The following GLIS3 variants were observed in gnomAD, a reference collection of about 807,000 sequenced individuals.
GLIS3 encodes the protein zinc finger protein GLIS3.
GLIS3 carries 53 observed loss-of-function variants against 78.6 expected under a neutral mutation model. The ratio of observed to expected loss-of-function variants is 0.67; its 90% CI spans 0.54 to 0.85. GLIS3 has a LOEUF of 0.85. Among genes scored for constraint, GLIS3 ranks in the 40% least tolerant of loss-of-function variants. The probability of loss-of-function intolerance (pLI) is 0.00; values close to 1 mark genes in which losing one functional copy is unlikely to be tolerated. For synonymous variants in GLIS3, 684 were observed against 509.9 expected (o/e 1.34, Z -4.60); for missense variants, 1,703 against 1,231.1 (o/e 1.38, Z -5.74).
At chr9:4,429,733 G>C in the GLIS3 span, among the ~76,000 whole-genome samples, 1 of 152,134 alleles carries the variant, frequency 6.6e-6, no homozygotes, top group South Asian at 2.1e-4. Context: ...GTCAGACACA[G>C]AGTAAGTGCT....
chr9:3,864,034 G>A (rs1563790021), intron 8 of GLIS3, among the ~76,000 whole-genome samples: 1 of 152,058 alleles, frequency 6.6e-6, no homozygotes, highest in East Asian at 1.9e-4. Context: ...TCTGACATGG[G>A]GAGAGAGGGA....
chr9:4,316,017 C>T lies in GLIS3; in HGVS notation n.265-5489G>A, dbSNP rs571089628. 3.0e-4 allele frequency among the ~76,000 whole-genome samples: 45 copies of T among 152,236 alleles called. 1 individual carries two copies. Among genetic ancestry groups the T allele is most frequent in the African/African-American group, 7.5e-4 (31 of 41,550 alleles). ...CATATTGTATTTTTAAAAGAAAACA[C>T]ATATTTATCTGGGATGATCACAATG... On this transcript the variant is annotated intron_variant and non_coding_transcript_variant, in intron 2 of 4. Coordinates refer to the GLIS3 transcript ENST00000471664.
chr9:3,958,422 GAAGTT>G (rs149169663), intron 4 of GLIS3, among the ~76,000 whole-genome samples: 9,484 of 152,218 alleles, frequency 0.062, 310 homozygotes, highest in South Asian at 0.12. Context: ...AAGACTCAAA[GAAGTT>G]AAGCAATAAT....
At chr9:4,178,405 A>G (rs1284322201) in intron 2 of GLIS3, among the ~76,000 whole-genome samples, 1 of 152,188 alleles carries the variant, frequency 6.6e-6, no homozygotes, top group Non-Finnish European at 1.5e-5. Flanking sequence ...TAGGTTGAGT[A>G]GAGATGTGAC....
Position 4,098,418 on chromosome 9 carries a change from G to C in GLIS3, c.1710+19350C>G, listed in dbSNP as rs147464488. The stretch of plus-strand genomic sequence containing the variant: ...GGGACACCACTAACATTTTCCATGA[G>C]CAAGATCGATACACGGTGTAACAGA... On this transcript the variant is annotated intron_variant, in intron 4 of 10. Transcript: ENST00000381971. Among the ~76,000 whole-genome samples the C allele has an allele frequency of 2.0e-5, 3 of 152,302 alleles. No homozygotes were observed. In the East Asian group the frequency reaches 5.8e-4, roughly 29 times the overall value.
upstream of GLIS3, among the ~76,000 whole-genome samples, chr9:4,349,209 C>G (rs1216921094): frequency 6.6e-6 from 1 of 152,162 alleles, no homozygotes; most frequent in Non-Finnish European, 1.5e-5. Flanking sequence ...CTCCTTTCCA[C>G]AACAGTTTAT....
intron 7 of GLIS3, among the ~76,000 whole-genome samples, chr9:3,897,120 G>T (rs1822906780): frequency 6.6e-6 from 1 of 152,112 alleles, no homozygotes; most frequent in East Asian, 1.9e-4. Flanking sequence ...AGGTGCTAAT[G>T]TTTTCCATAG....
the GLIS3 span, among the ~76,000 whole-genome samples, chr9:4,445,674 T>A: frequency 6.6e-6 from 1 of 152,022 alleles, no homozygotes; most frequent in Non-Finnish European, 1.5e-5. Context: ...TAGTCTAGAT[T>A]TAAGGGCTGA....
At chr9:3,853,832 T>G (rs1819590027) in intron 9 of GLIS3, among the ~76,000 whole-genome samples, 1 of 152,244 alleles carries the variant, frequency 6.6e-6, no homozygotes, top group South Asian at 2.1e-4. Context: ...CTTCTACACA[T>G]AGGTCAATTT....
upstream of GLIS3, among the ~76,000 whole-genome samples, chr9:4,302,136 C>T (rs1165640579): frequency 6.6e-6 from 1 of 152,040 alleles, no homozygotes; most frequent in Non-Finnish European, 1.5e-5. Flanking sequence ...CTGAATTGGT[C>T]AGCAGGGGTG....
chr9:3,915,878 T>G (rs962332406), intron 6 of GLIS3, among the ~76,000 whole-genome samples: 5 of 152,080 alleles, frequency 3.3e-5, no homozygotes, highest in African/African-American at 1.2e-4. Flanking sequence ...GAAGGAAAAA[T>G]GCCATAAAAA....
chr9:4,407,663 GA>G, the GLIS3 span, among the ~76,000 whole-genome samples: 1 of 151,936 alleles, frequency 6.6e-6, no homozygotes, highest in Non-Finnish European at 1.5e-5. Context: ...AAAGGAAAAA[GA>G]AAAAAAGAAA....
At chr9:4,107,552 A>G (rs769866252) in intron 4 of GLIS3, among the ~76,000 whole-genome samples, 46 of 152,224 alleles carry the variant, frequency 3.0e-4, no homozygotes, top group Non-Finnish European at 5.6e-4. Flanking sequence ...ATAAACTCTT[A>G]TCATAGCAAG....
intron 2 of GLIS3, among the ~76,000 whole-genome samples, chr9:4,168,750 G>A (rs574030250): frequency 7.2e-5 from 11 of 152,128 alleles, no homozygotes; most frequent in Non-Finnish European, 1.5e-4. Flanking sequence ...TGAACATTCT[G>A]CTATGGAATT....
chr9:4,111,198 C>T (rs1831184983), intron 4 of GLIS3, among the ~76,000 whole-genome samples: 1 of 152,048 alleles, frequency 6.6e-6, no homozygotes, highest in African/African-American at 2.4e-5. Context: ...TATTTCAAGG[C>T]ATGAAATTAG....
the GLIS3 span, among the ~76,000 whole-genome samples, chr9:4,440,938 A>T: frequency 6.7e-6 from 1 of 148,874 alleles, no homozygotes. Context: ...TGTTTTCTTA[A>T]TTTTTTTTTC....
intron 2 of GLIS3, among the ~76,000 whole-genome samples, chr9:4,276,101 T>C (rs948875344): frequency 7.3e-5 from 11 of 151,088 alleles, no homozygotes; most frequent in South Asian, 4.2e-4. Flanking sequence ...CTGAGCAACA[T>C]AGAAAAACCC....
chr9:4,363,384 C>A, the GLIS3 span, among the ~76,000 whole-genome samples: 4 of 152,192 alleles, frequency 2.6e-5, no homozygotes, highest in African/African-American at 9.7e-5. Context: ...GATGGCACCA[C>A]TGCACTCCTG....
chr9:4,235,648 G>T (rs966783019), intron 2 of GLIS3, among the ~76,000 whole-genome samples: 2 of 152,272 alleles, frequency 1.3e-5, no homozygotes, highest in African/African-American at 4.8e-5. Flanking sequence ...TTCTGTGAGT[G>T]TGAATGTATA....
Sources: allele counts gnomAD v4.1 joint callset (sites outside exome capture counted in the v4.1 genomes callset), GRCh38; gene constraint gnomAD v4.1.1; transcripts MANE v1.5; gene names NCBI Gene and HGNC (gene_info 2026-07-23, HGNC 2026-07-21).